The following KSR1 variants were observed in gnomAD, a reference collection of about 807,000 sequenced individuals.
KSR1 encodes kinase suppressor of ras 1, also known as kinase suppressor of ras.
Under a neutral mutation model 92.9 loss-of-function variants are expected in KSR1, and 35 were observed. The ratio of observed to expected loss-of-function variants is 0.38; its 90% CI spans 0.29 to 0.50. The LOEUF (loss-of-function observed/expected upper bound fraction) is 0.50. KSR1 is among the 20% of genes least tolerant of loss of function. The pLI, the probability that KSR1 is intolerant of heterozygous loss-of-function variation, is 0.94. For missense variants in KSR1, 972 were observed against 1,158.5 expected, an observed-to-expected ratio of 0.84 and a Z score of 2.34; for synonymous variants, 467 against 472.6, an observed-to-expected ratio of 0.99 and a Z score of 0.15.
chr17:27,457,227 C>G (rs1220105412), intron 1 of KSR1, among the ~76,000 whole-genome samples: 1 of 152,166 alleles, frequency 6.6e-6, no homozygotes, highest in Non-Finnish European at 1.5e-5. Context: ...GGACTTTTCC[C>G]CGTGTGACTG....
chr17:27,548,662 T>C (rs2071277592), intron 1 of KSR1, among the ~76,000 whole-genome samples: 1 of 152,152 alleles, frequency 6.6e-6, no homozygotes, highest in Admixed American at 6.5e-5. Context: ...AAAACCCGTC[T>C]CTACTAAAAA....
chr17:27,619,617 C>T (rs530805368), intron 19 of KSR1, among the ~76,000 whole-genome samples: 6 of 152,014 alleles, frequency 3.9e-5, no homozygotes, highest in Admixed American at 6.5e-5. Context: ...AGGCTGGTCT[C>T]GAACTCCTGA....
chr17:27,517,490 A>G (rs2069847112), intron 1 of KSR1, among the ~76,000 whole-genome samples: 1 of 152,132 alleles, frequency 6.6e-6, no homozygotes, highest in South Asian at 2.1e-4. Flanking sequence ...GGGTTTTGCC[A>G]TGTTGCCCAG....
At chr17:27,595,825 C>T (rs548317361) in intron 9 of KSR1, among the ~76,000 whole-genome samples, 3 of 152,186 alleles carry the variant, frequency 2.0e-5, no homozygotes, top group Admixed American at 6.5e-5. Context: ...TCAGGGGTCT[C>T]CTCTGTGCTG....
intron 1 of KSR1, chr17:27,526,834 G>A: frequency 4.0e-6 from 3 of 757,902 alleles, no homozygotes; most frequent in Non-Finnish European, 4.5e-6. Flanking sequence ...CCTCCTCCGG[G>A]GGGAGGGGTG....
intron 1 of KSR1, among the ~76,000 whole-genome samples, chr17:27,546,370 T>G (rs2071173902): frequency 6.6e-6 from 1 of 152,158 alleles, no homozygotes; most frequent in African/African-American, 2.4e-5. Flanking sequence ...GTGGGTGAAC[T>G]GAGACTCAGA....
At chr17:27,570,141 C>A (rs1213328311) in intron 2 of KSR1, among the ~76,000 whole-genome samples, 2 of 152,204 alleles carry the variant, frequency 1.3e-5, no homozygotes, top group Non-Finnish European at 2.9e-5. Context: ...CCAGAGCTCA[C>A]CCTAGCTGGG....
At chr17:27,470,730 A>G (rs965956143) in intron 1 of KSR1, among the ~76,000 whole-genome samples, 1 of 152,094 alleles carries the variant, frequency 6.6e-6, no homozygotes, top group Non-Finnish European at 1.5e-5. Flanking sequence ...ACTCCTGGGT[A>G]AGTATCTCAT....
chr17:27,511,794 C>T (rs769399123), intron 1 of KSR1, among the ~76,000 whole-genome samples: 4 of 152,234 alleles, frequency 2.6e-5, no homozygotes, highest in African/African-American at 7.2e-5. Flanking sequence ...GTCTCACCGG[C>T]GAGACCGTTG....
chr17:27,597,251 C>T lies in KSR1; in HGVS notation c.1300-17C>T. 6.4e-7 allele frequency: 1 copy of T among 1,564,258 alleles called. No homozygotes were observed. The highest frequency in any genetic ancestry group is 8.7e-7 in the Non-Finnish European group (1 of 1,155,422). On this transcript the variant is annotated splice_polypyrimidine_tract_variant and intron_variant, in intron 9 of 20. Transcript: ENST00000644974. Reference sequence around the variant, plus strand: ...GCCAGGACAGCCCTGCCATTCCCAACATCTCTGGTCCTGCAGGAGCACCCT... The same window carrying T: ...GCCAGGACAGCCCTGCCATTCCCAATATCTCTGGTCCTGCAGGAGCACCCT...
intron 1 of KSR1, among the ~76,000 whole-genome samples, chr17:27,514,397 G>A (rs1429490766): frequency 6.6e-6 from 1 of 152,208 alleles, no homozygotes; most frequent in African/African-American, 2.4e-5. Context: ...AGTAGCTCAC[G>A]CCTGTAATCC....
intron 5 of KSR1, chr17:27,587,719 C>T (rs1404930818): frequency 6.6e-6 from 1 of 152,276 alleles, no homozygotes; most frequent in Non-Finnish European, 1.5e-5. Context: ...AGAGTGCTTC[C>T]AGCAGCTTGT....
intron 1 of KSR1, among the ~76,000 whole-genome samples, chr17:27,516,860 A>G (rs1165808885): frequency 6.6e-6 from 1 of 152,250 alleles, no homozygotes; most frequent in Non-Finnish European, 1.5e-5. Context: ...TTCGTGAGAC[A>G]TAATGACTAG....
chr17:27,622,178 C>T (rs2074242681), intron 20 of KSR1: 1 of 563,826 alleles, frequency 1.8e-6, no homozygotes, highest in Non-Finnish European at 3.2e-6. Flanking sequence ...TAACTGAGCT[C>T]CCTCCAAGGC....
intron 1 of KSR1, among the ~76,000 whole-genome samples, chr17:27,515,791 C>G (rs2069769456): frequency 6.6e-6 from 1 of 151,988 alleles, no homozygotes; most frequent in East Asian, 1.9e-4. Flanking sequence ...AGGAAGGAGG[C>G]TCTGGGGGAA....
intron 1 of KSR1, 84 bp downstream of exon 1, chr17:27,456,958 A>G: frequency 1.4e-6 from 1 of 712,870 alleles, no homozygotes; most frequent in Non-Finnish European, 2.5e-6. Flanking sequence ...GCCGAGTTGC[A>G]TCCTTGAGCC....
At chr17:27,570,002 C>G (rs546423972) in intron 2 of KSR1, among the ~76,000 whole-genome samples, 2 of 152,298 alleles carry the variant, frequency 1.3e-5, no homozygotes, top group South Asian at 2.1e-4. Context: ...AGCTAGATAT[C>G]TGGTCCCAGG....
chr17:27,504,785 C>T (rs919046524), intron 1 of KSR1, among the ~76,000 whole-genome samples: 3 of 152,170 alleles, frequency 2.0e-5, no homozygotes, highest in African/African-American at 7.2e-5. Flanking sequence ...ACTGAAGGCT[C>T]ATGAATTATG....
intron 9 of KSR1, among the ~76,000 whole-genome samples, chr17:27,596,041 G>C (rs1054989484): frequency 1.3e-5 from 2 of 151,910 alleles, no homozygotes; most frequent in African/African-American, 4.8e-5. Context: ...TATGGTTTCT[G>C]TCTGAACCAG....
Sources: gnomAD v4.1 joint callset for allele counts (sites outside exome capture counted in the v4.1 genomes callset) on GRCh38, gnomAD v4.1.1 for gene constraint, MANE v1.5 for transcripts, NCBI Gene and HGNC (gene_info 2026-07-23, HGNC 2026-07-21) for gene names.